SHCBP1L: variants seen among roughly 807,000 people sequenced by gnomAD.
SHCBP1L encodes testicular spindle-associated protein SHCBP1L.
Under a neutral mutation model 62.5 loss-of-function variants are expected in SHCBP1L, and 67 were observed. The ratio of observed to expected loss-of-function variants is 1.07; its 90% CI spans 0.88 to 1.31. The LOEUF (loss-of-function observed/expected upper bound fraction) is 1.31. Ranked by LOEUF, SHCBP1L falls within the 40% of genes most tolerant of loss-of-function variation. The pLI is 0.00. For missense variants in SHCBP1L, 823 were observed against 809.8 expected (o/e 1.02, Z -0.20); for synonymous variants, 284 against 289.4 (o/e 0.98, Z 0.19).
chr1:182,948,037 G>A (rs1034174507), intron 2 of SHCBP1L, among the ~76,000 whole-genome samples: 3 of 152,136 alleles, frequency 2.0e-5, no homozygotes, highest in Non-Finnish European at 4.4e-5. Flanking sequence ...AGAATATAGT[G>A]TTTATCATAT....
chr1:182,916,095 T>C (rs958647019), intron 6 of SHCBP1L, among the ~76,000 whole-genome samples: 6 of 152,132 alleles, frequency 3.9e-5, no homozygotes, highest in African/African-American at 4.8e-5. Context: ...CGTGAGCCAC[T>C]GCGCCCGGCC....
chr1:182,927,751 A>G (rs560440348), intron 6 of SHCBP1L, among the ~76,000 whole-genome samples: 1 of 152,186 alleles, frequency 6.6e-6, no homozygotes, highest in South Asian at 2.1e-4. Flanking sequence ...AAGTAAATCT[A>G]AAATCCAAGG....
rs141473201 is a variant in SHCBP1L, at chr1:182,903,921, T to C, written c.1587+259A>G. Among the ~76,000 whole-genome samples, 971 of 152,326 alleles carry C rather than the reference T, an allele frequency of 6.4e-3. 7 individuals carry two copies. The highest frequency in any genetic ancestry group is 7.8e-3 in the Non-Finnish European group (530 of 68,032). ...AATGACTGACTCATGATTTATGTTATAGCCACTCTTTTCCAGATTTTAAAA... is the reference window on the plus strand; with the variant it reads ...AATGACTGACTCATGATTTATGTTACAGCCACTCTTTTCCAGATTTTAAAA... On this transcript the variant is annotated intron_variant, in intron 8 of 9. Transcript: ENST00000367547.
At chr1:182,928,592 G>A (rs1033393430) in intron 6 of SHCBP1L, among the ~76,000 whole-genome samples, 5 of 152,120 alleles carry the variant, frequency 3.3e-5, no homozygotes, top group Admixed American at 2.6e-4. Context: ...ATCCCAGGAT[G>A]TAGGGTGAGT....
intron 8 of SHCBP1L, among the ~76,000 whole-genome samples, 176 bp downstream of exon 8, chr1:182,904,004 T>C (rs1362658221): frequency 1.3e-5 from 2 of 152,226 alleles, no homozygotes; most frequent in Non-Finnish European, 2.9e-5. Context: ...CATTTCATTT[T>C]TCCTAAATGT....
In SHCBP1L at chr1:182,952,727, A is replaced by C. The variant is rs1163361652; in HGVS notation, c.405+2T>G. The C allele has an allele frequency of 6.3e-7, 1 of 1,597,318 alleles. No individual in the cohort carries two copies. The highest frequency in any genetic ancestry group is 8.5e-7 in the Non-Finnish European group (1 of 1,172,294). ...TAGTCTTCCTGTCCCGGATCCGCTC[A>C]CCTTACAGTCCTGCAGCACTTCGTC... On this transcript the variant is annotated splice_donor_variant, in intron 1 of 9. Coordinates refer to ENST00000367547, the MANE Select transcript of SHCBP1L (RefSeq NM_030933.4). LOFTEE classifies it high-confidence loss of function.
chr1:182,915,901 G>T (rs1286332416), intron 6 of SHCBP1L, among the ~76,000 whole-genome samples: 2 of 151,658 alleles, frequency 1.3e-5, no homozygotes, highest in East Asian at 1.9e-4. Context: ...CCACCTCCCG[G>T]GTTCACGCCA....
intron 6 of SHCBP1L, among the ~76,000 whole-genome samples, chr1:182,913,002 G>A (rs1050607970): frequency 6.6e-6 from 1 of 151,740 alleles, no homozygotes; most frequent in Non-Finnish European, 1.5e-5. Flanking sequence ...GGGTGTGGTG[G>A]TGTGCGCCTG....
At chr1:182,951,901 TC>T in intron 1 of SHCBP1L, 2 of 359,616 alleles carry the variant, frequency 5.6e-6, no homozygotes, top group Non-Finnish European at 1.1e-5. Context: ...ATGCCTGTAA[TC>T]CCAACACTTT....
intron 6 of SHCBP1L, among the ~76,000 whole-genome samples, chr1:182,928,493 G>T (rs945547105): frequency 3.9e-5 from 6 of 152,160 alleles, no homozygotes; most frequent in Non-Finnish European, 7.3e-5. Context: ...TATTATGAAA[G>T]GTTGAGAAGG....
At chr1:182,902,294 GCTCAC>G (rs912934999) in intron 9 of SHCBP1L, among the ~76,000 whole-genome samples, 5 of 151,872 alleles carry the variant, frequency 3.3e-5, no homozygotes, top group African/African-American at 9.7e-5. Context: ...CTCGTGATCT[GCTCAC>G]CTCGGCCTCC....
intron 6 of SHCBP1L, among the ~76,000 whole-genome samples, chr1:182,916,282 T>G (rs1433097720): frequency 6.6e-6 from 1 of 151,734 alleles, no homozygotes; most frequent in Non-Finnish European, 1.5e-5. Context: ...AAGAAAGATC[T>G]CAAATCAGCA....
rs1320383820 is a variant in SHCBP1L, at chr1:182,953,000, A to C, written c.134T>G (p.Ile45Ser). 6.5e-7 allele frequency: 1 copy of C among 1,543,016 alleles called. No individual in the cohort carries two copies. Among genetic ancestry groups the C allele is most frequent in the South Asian group, 1.2e-5 (1 of 84,334 alleles). Residue 45 changes from isoleucine (I) to serine (S), a missense_variant, in exon 1 of 10, where the codon ATC becomes AGC. By Grantham distance (142) the Ile-to-Ser change is moderately radical. Coordinates refer to ENST00000367547, the MANE Select transcript of SHCBP1L (RefSeq NM_030933.4). Reference protein sequence around the residue: ...AAATTLKGTAIPVRSVVASPR... With the variant: ...AAATTLKGTASPVRSVVASPR... ...GGAGGCCACCACCGACCGCACTGGG[A>C]TCGCGGTGCCCTTCAGGGTGGTCGC...
chr1:182,945,187 C>T (rs1166030567), intron 2 of SHCBP1L, among the ~76,000 whole-genome samples: 1 of 152,080 alleles, frequency 6.6e-6, no homozygotes, highest in East Asian at 1.9e-4. Context: ...TGGTCTTGAA[C>T]TCCTGACCTC....
chr1:182,913,783 C>T (rs111338576), intron 6 of SHCBP1L, among the ~76,000 whole-genome samples: 2 of 152,224 alleles, frequency 1.3e-5, no homozygotes, highest in Non-Finnish European at 2.9e-5. Context: ...GAGTTCCAGA[C>T]CAGCTTGGCC....
intron 6 of SHCBP1L, among the ~76,000 whole-genome samples, chr1:182,926,650 T>C (rs1650758022): frequency 6.6e-6 from 1 of 152,076 alleles, no homozygotes; most frequent in South Asian, 2.1e-4. Context: ...GTCTATGTTC[T>C]CCAACATCAC....
chr1:182,900,285 T>G, intron 9 of SHCBP1L, 51 bp from the exon 10 acceptor site: 1 of 1,413,244 alleles, frequency 7.1e-7, no homozygotes, highest in Admixed American at 2.4e-5. Flanking sequence ...ATTTAAAAAA[T>G]GAAGTAATGA....
rs1018773709 is a variant in SHCBP1L at position 182,905,457 on chromosome 1, C to A, written c.1336+39G>T. ...TAGAATACACAATTTGTCCAGTATA[C>A]ATTGCTGTAAAAAAAACTACAAAGG... is the stretch of plus-strand genomic sequence containing the variant. On this transcript the variant is annotated intron_variant, in intron 7 of 9. Transcript: ENST00000367547. 1.9e-6 allele frequency: 3 copies of A among 1,599,008 alleles called. No individual in the cohort carries two copies. The African/African-American group carries it at 4.0e-5, about 22-fold the overall frequency.
At chr1:182,952,227 TATATATATAC>T (rs1324556913) in intron 1 of SHCBP1L, among the ~76,000 whole-genome samples, 703 of 61,788 alleles carry the variant, frequency 0.011, 4 homozygotes, top group East Asian at 0.051. Context: ...TATATATATA[TATATATATAC>T]ACACACACAC....
Sources: gnomAD v4.1 joint callset for allele counts (sites outside exome capture counted in the v4.1 genomes callset) on GRCh38, gnomAD v4.1.1 for gene constraint, MANE v1.5 for transcripts, NCBI Gene and HGNC (gene_info 2026-07-23, HGNC 2026-07-21) for gene names.